Variants in CCDC6 observed in about 807,000 individuals in gnomAD.
The protein encoded by CCDC6 is coiled-coil domain-containing protein 6.
Under a neutral mutation model 56.6 loss-of-function variants are expected in CCDC6, and 20 were observed. The ratio of observed to expected loss-of-function variants is 0.35; its 90% CI spans 0.25 to 0.51. The LOEUF (loss-of-function observed/expected upper bound fraction) is 0.51, where lower values mean the gene tolerates loss of function less well. CCDC6 is among the 20% of genes least tolerant of loss of function. The pLI, the probability that CCDC6 is intolerant of heterozygous loss-of-function variation, is 0.95. For synonymous variants in CCDC6, 241 were observed against 234.4 expected (o/e 1.03, Z -0.26); for missense variants, 367 against 601.1 (o/e 0.61, Z 4.07).
chr10:59,865,852 C>CA (rs777021321), intron 1 of CCDC6, among the ~76,000 whole-genome samples: 2,515 of 56,928 alleles, frequency 0.044, 68 homozygotes, highest in Non-Finnish European at 0.055. Context: ...TCCATCTCCA[C>CA]AAAAAAAAAA....
Position 59,790,415 on chromosome 10 carries a change from A to T in CCDC6, c.*2502T>A, listed in dbSNP as rs2070457557. The T allele has an allele frequency of 4.6e-6, 1 of 217,252 alleles. No individual in the cohort carries two copies. The highest frequency in any genetic ancestry group is 2.3e-5 in the African/African-American group (1 of 44,348). 13.5% of individuals were successfully genotyped at this position (217,252 alleles called of 1,614,324 possible). On this transcript the variant is annotated 3_prime_UTR_variant, in exon 9 of 9. Transcript: ENST00000263102. ...CCATGAGAAGTGCCCGACTGAGGGA[A>T]GTCAGCTTCCCATAGGTGAGGGGGC...
chr10:59,789,334 T>A lies in CCDC6; in HGVS notation c.*3583A>T, dbSNP rs1338327934. On this transcript the variant is annotated 3_prime_UTR_variant, in exon 9 of 9. Coordinates refer to ENST00000263102, the MANE Select transcript of CCDC6 (RefSeq NM_005436.5). ...ACACAGGATTTTTTCAGTTGCCTCA[T>A]GAGAGGCAACCTGGGCTTGGCAGTT... 2 of 230,910 alleles carry A rather than the reference T, an allele frequency of 8.7e-6. 1 individual carries two copies. The highest frequency in any genetic ancestry group is 1.7e-5 in the Non-Finnish European group (2 of 116,704). 14.3% of individuals were successfully genotyped at this position (230,910 alleles called of 1,614,324 possible). A position where few individuals can be genotyped will look rare whatever the true frequency, so the allele number is the denominator to read the frequency against.
intron 1 of CCDC6, among the ~76,000 whole-genome samples, chr10:59,904,687 A>G (rs2132691849): frequency 6.6e-6 from 1 of 152,312 alleles, no homozygotes; most frequent in Admixed American, 6.5e-5. Flanking sequence ...GAACTTTACC[A>G]TCTCACATGA....
At chr10:59,795,843 A>G (rs2070512084) in intron 7 of CCDC6, among the ~76,000 whole-genome samples, 1 of 152,084 alleles carries the variant, frequency 6.6e-6, no homozygotes, top group Non-Finnish European at 1.5e-5. Flanking sequence ...TCCATGGTGT[A>G]TATGTGCCAC....
intron 7 of CCDC6, among the ~76,000 whole-genome samples, chr10:59,797,928 T>C (rs2070538157): frequency 6.6e-6 from 1 of 152,154 alleles, no homozygotes; most frequent in Non-Finnish European, 1.5e-5. Flanking sequence ...TCCTTACTGT[T>C]AGACAGGTTT....
At chr10:59,817,381 C>T (rs949473302) in intron 3 of CCDC6, among the ~76,000 whole-genome samples, 5 of 151,978 alleles carry the variant, frequency 3.3e-5, no homozygotes, top group Non-Finnish European at 7.4e-5. Context: ...GTTCTTGCTA[C>T]GTTGCCCAGG....
At chr10:59,857,893 G>A (rs1251257893) in intron 1 of CCDC6, among the ~76,000 whole-genome samples, 1 of 151,948 alleles carries the variant, frequency 6.6e-6, no homozygotes, top group African/African-American at 2.4e-5. Flanking sequence ...AGGATAGCAG[G>A]GACCACCCAA....
At chr10:59,824,820 T>C (rs185320159) in intron 3 of CCDC6, among the ~76,000 whole-genome samples, 160 of 152,330 alleles carry the variant, frequency 1.1e-3, no homozygotes, top group Non-Finnish European at 1.8e-3. Context: ...AATGGATTAT[T>C]TGTACAATGC....
intron 1 of CCDC6, among the ~76,000 whole-genome samples, chr10:59,873,460 C>G (rs188344616): frequency 6.6e-6 from 1 of 152,278 alleles, no homozygotes; most frequent in African/African-American, 2.4e-5. Context: ...GAAGGATCTT[C>G]CCCGGCCAGA....
At chr10:59,831,813 CCAAGTCT>C (rs2070837502) in intron 3 of CCDC6, among the ~76,000 whole-genome samples, 1 of 152,334 alleles carries the variant, frequency 6.6e-6, no homozygotes, top group African/African-American at 2.4e-5. Context: ...GGCATACAGA[CCAAGTCT>C]GGACTCCCAA....
At chr10:59,805,552 A>G (rs1022047263) in intron 6 of CCDC6, 2 of 152,200 alleles carry the variant, frequency 1.3e-5, no homozygotes, top group African/African-American at 4.8e-5. Flanking sequence ...ATCTTACCCC[A>G]AACTGGGTCC....
At position 59,793,131 on chromosome 10, in the gene CCDC6, A is replaced by G; in HGVS notation, c.1231-20T>C. On this transcript the variant is annotated intron_variant, in intron 8 of 8. Transcript: ENST00000263102. Reference sequence around the variant, plus strand: ...AGGCCTCTGCAGAGGGGACAGGAACAGCAAGTCAGTCTAGGTACAGGTGGA... The same window carrying G: ...AGGCCTCTGCAGAGGGGACAGGAACGGCAAGTCAGTCTAGGTACAGGTGGA... 6.2e-7 allele frequency: 1 copy of G among 1,609,992 alleles called. No homozygotes were observed. The highest frequency in any genetic ancestry group is 8.5e-7 in the Non-Finnish European group (1 of 1,176,546).
In CCDC6 at chr10:59,792,335, G is replaced by A. The variant is rs541339080; in HGVS notation, c.*582C>T. 2.5e-4 allele frequency: 95 copies of A among 386,476 alleles called. No homozygotes were observed. The East Asian group carries it at 3.9e-3, about 16-fold the overall frequency. The allele number at this position is 386,476 out of a possible 1,614,324, so 23.9% of individuals were successfully genotyped here. A position where few individuals can be genotyped will look rare whatever the true frequency, so the allele number is the denominator to read the frequency against. On this transcript the variant is annotated 3_prime_UTR_variant, in exon 9 of 9. Coordinates refer to ENST00000263102, the MANE Select transcript of CCDC6 (RefSeq NM_005436.5). ...GAGACATGGATGTCAATAACACAAT[G>A]AAAATAACCTGTAAAAAATGTATCT...
chr10:59,898,126 C>T (rs998410799), intron 1 of CCDC6, among the ~76,000 whole-genome samples: 6 of 152,208 alleles, frequency 3.9e-5, no homozygotes, highest in South Asian at 4.2e-4. Context: ...CAGATAGTTT[C>T]GGATTAAAAA....
At chr10:59,861,350 C>A (rs531482015) in intron 1 of CCDC6, among the ~76,000 whole-genome samples, 34 of 146,714 alleles carry the variant, frequency 2.3e-4, no homozygotes, top group African/African-American at 8.6e-4. Context: ...CGGAGTAAGA[C>A]TTCATCTCAG....
intron 1 of CCDC6, among the ~76,000 whole-genome samples, chr10:59,889,031 G>A (rs1048630380): frequency 6.6e-6 from 1 of 151,900 alleles, no homozygotes; most frequent in African/African-American, 2.4e-5. Flanking sequence ...CAGAGCTGGG[G>A]CCCTTGAATA....
Position 59,792,396 on chromosome 10 carries a change from G to A in CCDC6, c.*521C>T. ...CTGTTAAACAGAAAATATGTCTTGG[G>A]CACTGATTCATCTAACTTTCTGTTC... is the stretch of plus-strand genomic sequence containing the variant. On this transcript the variant is annotated 3_prime_UTR_variant, in exon 9 of 9. Transcript: ENST00000263102. 1 of 413,886 alleles carries A rather than the reference G, an allele frequency of 2.4e-6. No individual in the cohort carries two copies. The highest frequency in any genetic ancestry group is 4.6e-6 in the Non-Finnish European group (1 of 218,408). The allele number at this position is 413,886 out of a possible 1,614,324, so 25.6% of individuals were successfully genotyped here. A position where few individuals can be genotyped will look rare whatever the true frequency, so the allele number is the denominator to read the frequency against.
At chr10:59,890,382 G>A (rs1469884180) in intron 1 of CCDC6, among the ~76,000 whole-genome samples, 3 of 152,160 alleles carry the variant, frequency 2.0e-5, no homozygotes, top group East Asian at 1.9e-4. Flanking sequence ...AAAGAGCCCC[G>A]CAAAAGGAGG....
At chr10:59,865,498 A>C (rs2071169248) in intron 1 of CCDC6, among the ~76,000 whole-genome samples, 1 of 152,152 alleles carries the variant, frequency 6.6e-6, no homozygotes, top group South Asian at 2.1e-4. Flanking sequence ...CAAACAAAGA[A>C]TAAAACCCAC....
Sources: allele counts gnomAD v4.1 joint callset (sites outside exome capture counted in the v4.1 genomes callset), GRCh38; gene constraint gnomAD v4.1.1; transcripts MANE v1.5; gene names NCBI Gene and HGNC (gene_info 2026-07-23, HGNC 2026-07-21).